Variants in KCNIP1 observed in about 807,000 individuals in gnomAD.
KCNIP1 encodes the protein A-type potassium channel modulatory protein KCNIP1.
KCNIP1 carries 18 observed loss-of-function variants against 33.0 expected under a neutral mutation model. The observed-to-expected ratio is 0.55, with a 90% CI of 0.38 to 0.81. The LOEUF (loss-of-function observed/expected upper bound fraction) is 0.81. KCNIP1 is among the 30% of genes least tolerant of loss of function. KCNIP1 has a pLI of 0.00. For synonymous variants in KCNIP1, 93 were observed against 98.3 expected, an observed-to-expected ratio of 0.95 and a Z score of 0.32; for missense variants, 238 against 271.6, an observed-to-expected ratio of 0.88 and a Z score of 0.87.
At chr5:170,718,480 A>G (rs1484500913) in intron 1 of KCNIP1, among the ~76,000 whole-genome samples, 1 of 152,174 alleles carries the variant, frequency 6.6e-6, no homozygotes, top group Non-Finnish European at 1.5e-5. Context: ...AGCAAGGAAA[A>G]TGTTTTCATA....
intron 1 of KCNIP1, among the ~76,000 whole-genome samples, chr5:170,387,989 G>T (rs1185052383): frequency 6.6e-6 from 1 of 152,016 alleles, no homozygotes; most frequent in Non-Finnish European, 1.5e-5. Context: ...ACCTGTGGGG[G>T]CTTCCTGTGG....
intron 1 of KCNIP1, among the ~76,000 whole-genome samples, chr5:170,603,165 C>A (rs1179779645): frequency 6.6e-6 from 1 of 152,212 alleles, no homozygotes; most frequent in Non-Finnish European, 1.5e-5. Context: ...CAGATGAGGC[C>A]CTTTGATAAG....
intron 1 of KCNIP1, among the ~76,000 whole-genome samples, chr5:170,613,656 G>A (rs1430128617): frequency 6.6e-6 from 1 of 152,152 alleles, no homozygotes; most frequent in Non-Finnish European, 1.5e-5. Context: ...AGCTGGAAAT[G>A]TACCTTTGTA....
chr5:170,674,313 G>T (rs77129567), intron 1 of KCNIP1, among the ~76,000 whole-genome samples: 1 of 152,134 alleles, frequency 6.6e-6, no homozygotes, highest in Non-Finnish European at 1.5e-5. Flanking sequence ...TCTAGACAAA[G>T]AAGGTAAAAA....
At chr5:170,681,875 AAC>A (rs1255038115) in intron 1 of KCNIP1, among the ~76,000 whole-genome samples, 1 of 152,260 alleles carries the variant, frequency 6.6e-6, no homozygotes, top group Non-Finnish European at 1.5e-5. Context: ...TTCCAAATAG[AAC>A]ACAGTTTGTC....
At chr5:170,565,101 C>T (rs1027449909) in intron 1 of KCNIP1, among the ~76,000 whole-genome samples, 2 of 152,116 alleles carry the variant, frequency 1.3e-5, no homozygotes, top group Non-Finnish European at 2.9e-5. Context: ...CTCCCCTTCT[C>T]TTTCCCCACC....
At chr5:170,385,461 A>G (rs1485930100) in intron 1 of KCNIP1, 2 of 1,614,106 alleles carry the variant, frequency 1.2e-6, no homozygotes, top group Non-Finnish European at 1.7e-6. Context: ...CACTGGGGGC[A>G]GTGATCATTT....
At chr5:170,480,202 A>C (rs990670070) in intron 1 of KCNIP1, among the ~76,000 whole-genome samples, 1 of 152,240 alleles carries the variant, frequency 6.6e-6, no homozygotes, top group African/African-American at 2.4e-5. Context: ...ACTTTCTTAG[A>C]GTCAATGCGA....
chr5:170,731,763 C>T (rs1293633336), intron 5 of KCNIP1, among the ~76,000 whole-genome samples: 5 of 147,904 alleles, frequency 3.4e-5, no homozygotes, highest in South Asian at 4.4e-4. Context: ...ACTAAGGAGA[C>T]ACAACAAATA....
intron 1 of KCNIP1, among the ~76,000 whole-genome samples, chr5:170,632,415 T>G (rs1411607914): frequency 6.6e-6 from 1 of 152,216 alleles, no homozygotes; most frequent in African/African-American, 2.4e-5. Context: ...CTTGCAAGGC[T>G]TTTGAAGAAT....
intron 1 of KCNIP1, among the ~76,000 whole-genome samples, chr5:170,427,349 C>A (rs1755637919): frequency 6.6e-6 from 1 of 152,204 alleles, no homozygotes; most frequent in Non-Finnish European, 1.5e-5. Flanking sequence ...GTTCTGGCAG[C>A]TTATGGCCAC....
intron 1 of KCNIP1, among the ~76,000 whole-genome samples, chr5:170,621,458 G>T (rs994353861): frequency 2.6e-5 from 4 of 152,182 alleles, no homozygotes; most frequent in Admixed American, 6.5e-5. Context: ...CACCCCAGCA[G>T]CCATGAGGGT....
chr5:170,454,965 G>C (rs531002605), intron 1 of KCNIP1, among the ~76,000 whole-genome samples: 3 of 152,228 alleles, frequency 2.0e-5, no homozygotes, highest in Admixed American at 6.5e-5. Context: ...TGTTAATACA[G>C]ATAGAAAGGG....
At chr5:170,386,578 TTCTG>T (rs1361359162) in intron 1 of KCNIP1, among the ~76,000 whole-genome samples, 4 of 152,064 alleles carry the variant, frequency 2.6e-5, no homozygotes, top group Non-Finnish European at 5.9e-5. Context: ...CCAGAAACAG[TTCTG>T]TGGCAGGGCT....
At chr5:170,406,972 C>T (rs1260879893) in intron 1 of KCNIP1, among the ~76,000 whole-genome samples, 1 of 152,246 alleles carries the variant, frequency 6.6e-6, no homozygotes, top group Non-Finnish European at 1.5e-5. Flanking sequence ...CATTCAGCAG[C>T]TTTCAAGACC....
At chr5:170,687,046 A>G (rs1762560338) in intron 1 of KCNIP1, among the ~76,000 whole-genome samples, 2 of 151,168 alleles carry the variant, frequency 1.3e-5, no homozygotes. Flanking sequence ...CCCTGCTGTT[A>G]ATCTGTCTCC....
upstream of KCNIP1, among the ~76,000 whole-genome samples, chr5:170,503,692 G>GACAC (rs113237236): frequency 1.4e-5 from 2 of 142,946 alleles, no homozygotes; most frequent in Non-Finnish European, 3.1e-5. Flanking sequence ...CACACACAGG[G>GACAC]ACACACACAC....
In KCNIP1 at chr5:170,359,209, G is replaced by A. The variant is rs1763435637; in HGVS notation, c.88+5245G>A. ...CACTGAGTAGGCTCTGTCCCATGAG[G>A]GCCACTCCCCCATGGCTCTCCCTTC... On this transcript the variant is annotated intron_variant, in intron 1 of 7. Transcript: ENST00000377360. 4.6e-5 allele frequency among the ~76,000 whole-genome samples: 7 copies of A among 152,050 alleles called. No individual in the cohort carries two copies. In the South Asian group the frequency reaches 1.5e-3, roughly 32 times the overall value.
chr5:170,693,089 C>A (rs189867219), intron 1 of KCNIP1, among the ~76,000 whole-genome samples: 46 of 152,334 alleles, frequency 3.0e-4, no homozygotes, highest in African/African-American at 1.0e-3. Flanking sequence ...CTTTTTATTG[C>A]AGAGGGAATT....
Sources: gnomAD v4.1 joint callset for allele counts (sites outside exome capture counted in the v4.1 genomes callset) on GRCh38, gnomAD v4.1.1 for gene constraint, MANE v1.5 for transcripts, NCBI Gene and HGNC (gene_info 2026-07-23, HGNC 2026-07-21) for gene names.